ACSS2: variants seen among roughly 807,000 people sequenced by gnomAD.
The protein encoded by ACSS2 is acetyl-coenzyme A synthetase, cytoplasmic.
In ACSS2, 58 loss-of-function variants were observed where a neutral mutation model predicts 90.6. That is an observed-to-expected ratio of 0.64 (90% CI 0.52 to 0.80). ACSS2 has a LOEUF of 0.80. ACSS2 is among the 30% of genes least tolerant of loss of function. The probability of loss-of-function intolerance (pLI) is 0.00; values close to 1 mark genes in which losing one functional copy is unlikely to be tolerated. For missense variants in ACSS2, 759 were observed against 912.0 expected (o/e 0.83, Z 2.16); for synonymous variants, 300 against 330.9 (o/e 0.91, Z 1.01).
intron 2 of ACSS2, among the ~76,000 whole-genome samples, chr20:34,904,735 C>T (rs1048273876): frequency 6.6e-6 from 1 of 151,840 alleles, no homozygotes; most frequent in Non-Finnish European, 1.5e-5. Flanking sequence ...AGGAGGTTCC[C>T]TAGGGGAAGA....
intron 2 of ACSS2, among the ~76,000 whole-genome samples, chr20:34,897,083 T>C (rs1197546657): frequency 6.6e-6 from 1 of 152,066 alleles, no homozygotes; most frequent in African/African-American, 2.4e-5. Context: ...GAATAGTGCT[T>C]AATCTTTCTA....
At chr20:34,925,096 A>G (rs2081288507) in intron 14 of ACSS2, among the ~76,000 whole-genome samples, 1 of 152,342 alleles carries the variant, frequency 6.6e-6, no homozygotes, top group East Asian at 1.9e-4. Flanking sequence ...TACTATTGGC[A>G]TGGAACAAAT....
chr20:34,913,362 C>A (rs769544838), intron 3 of ACSS2, 31 bp from the exon 4 acceptor site: 14 of 1,606,232 alleles, frequency 8.7e-6, no homozygotes, highest in Non-Finnish European at 1.2e-5. Context: ...AAGAAGGGTT[C>A]ATGGTTCATA....
chr20:34,903,960 C>T (rs1401800855), intron 2 of ACSS2, among the ~76,000 whole-genome samples: 1 of 151,660 alleles, frequency 6.6e-6, no homozygotes, highest in Non-Finnish European at 1.5e-5. Context: ...TCAACCATGA[C>T]CCTCGAATAC....
Position 34,913,498 on chromosome 20 carries a change from T to TTTGC in ACSS2, c.570+2_570+3insTTGC. The TTTGC allele has an allele frequency of 6.2e-7, 1 of 1,611,132 alleles. No individual in the cohort carries two copies. Among genetic ancestry groups the TTTGC allele is most frequent in the South Asian group, 1.1e-5 (1 of 90,890 alleles). On this transcript the variant is annotated splice_region_variant and intron_variant, in intron 4 of 17. Transcript: ENST00000360596. The stretch of plus-strand genomic sequence containing the variant: ...ATTGGGGCTTTGCACTCCATTGTGG[T>TTTGC]AGGAGTTTGGGCTGGTGAAAAGGGG...
At chr20:34,913,222 T>A in intron 3 of ACSS2, 35 bp downstream of exon 3, 1 of 1,605,420 alleles carries the variant, frequency 6.2e-7, no homozygotes. Context: ...ACTGGGGGTC[T>A]GGCCTTGGGG....
Position 34,923,346 on chromosome 20 carries a change from G to C in ACSS2, c.1572G>C (p.Gly524=), listed in dbSNP as rs2147103883. ...GYLVFKQPWP[G]IMRTVYGNHE... is the part of the protein sequence containing the mutation. ...AGGTGTTCAAGCAGCCCTGGCCAGG[G>C]ATCATGCGCACAGTCTATGGGAACC... Residue 524 remains glycine, a synonymous_variant, in exon 14 of 18, where the codon GGG becomes GGC. Coordinates refer to ENST00000360596, the MANE Select transcript of ACSS2 (RefSeq NM_018677.4). 2 of 1,614,124 alleles carry C rather than the reference G, an allele frequency of 1.2e-6. No individual in the cohort carries two copies. Among genetic ancestry groups the C allele is most frequent in the East Asian group, 4.5e-5 (2 of 44,880 alleles).
At chr20:34,905,695 A>G (rs1167686664) in intron 2 of ACSS2, among the ~76,000 whole-genome samples, 5 of 152,232 alleles carry the variant, frequency 3.3e-5, no homozygotes, top group Non-Finnish European at 5.9e-5. Flanking sequence ...TCCTTTTGCC[A>G]GAGCATGCAT....
intron 2 of ACSS2, among the ~76,000 whole-genome samples, chr20:34,905,874 G>C (rs115808631): frequency 0.025 from 3,845 of 152,276 alleles, 156 homozygotes; most frequent in African/African-American, 0.085. Flanking sequence ...TCCGTGCCTA[G>C]ATCCTGCCAA....
At chr20:34,897,480 C>T (rs1350342420) in intron 2 of ACSS2, among the ~76,000 whole-genome samples, 1 of 152,116 alleles carries the variant, frequency 6.6e-6, no homozygotes, top group Non-Finnish European at 1.5e-5. Context: ...CCCTTTGTGT[C>T]TGGTTTCTTT....
intron 1 of ACSS2, among the ~76,000 whole-genome samples, chr20:34,879,311 T>C (rs1369786075): frequency 1.3e-5 from 2 of 152,144 alleles, no homozygotes; most frequent in East Asian, 3.8e-4. Flanking sequence ...ATCATTCTCC[T>C]TGATATCCTG....
chr20:34,879,992 C>G (rs2080032494), intron 1 of ACSS2, among the ~76,000 whole-genome samples: 1 of 152,108 alleles, frequency 6.6e-6, no homozygotes, highest in African/African-American at 2.4e-5. Flanking sequence ...TGAGATTAGT[C>G]CAGTCCCTGA....
intron 2 of ACSS2, among the ~76,000 whole-genome samples, chr20:34,910,679 C>T (rs147248070): frequency 1.3e-5 from 2 of 152,126 alleles, no homozygotes; most frequent in South Asian, 4.1e-4. Context: ...AAAACCCAAA[C>T]TGTGGTTTGC....
intron 2 of ACSS2, among the ~76,000 whole-genome samples, chr20:34,900,904 C>T (rs1196186969): frequency 6.6e-6 from 1 of 152,110 alleles, no homozygotes; most frequent in Non-Finnish European, 1.5e-5. Flanking sequence ...AAACAATACC[C>T]CCCTTTTGGA....
At chr20:34,910,999 A>AC (rs1568988192) in intron 2 of ACSS2, among the ~76,000 whole-genome samples, 1 of 142,534 alleles carries the variant, frequency 7.0e-6, no homozygotes, top group Non-Finnish European at 1.5e-5. Flanking sequence ...ATTGAAAACG[A>AC]TTTTTTTTTT....
chr20:34,882,349 C>T (rs1473018433), intron 1 of ACSS2, among the ~76,000 whole-genome samples: 8 of 152,094 alleles, frequency 5.3e-5, no homozygotes, highest in Admixed American at 1.3e-4. Context: ...GCTGGCCGGG[C>T]GCGGTGGCTC....
intron 2 of ACSS2, among the ~76,000 whole-genome samples, chr20:34,893,879 C>T (rs1218682047): frequency 5.9e-5 from 9 of 151,974 alleles, no homozygotes; most frequent in Non-Finnish European, 8.8e-5. Flanking sequence ...TATGGTTTTA[C>T]CATCTTGGAG....
At chr20:34,913,986 G>T in intron 5 of ACSS2, 110 bp from the exon 6 acceptor site, 1 of 1,414,736 alleles carries the variant, frequency 7.1e-7, no homozygotes, top group South Asian at 1.2e-5. Context: ...GCTCGAATCA[G>T]CTGGAAGAGC....
intron 2 of ACSS2, among the ~76,000 whole-genome samples, chr20:34,884,720 T>A (rs1310028459): frequency 6.6e-6 from 1 of 152,230 alleles, no homozygotes; most frequent in Non-Finnish European, 1.5e-5. Flanking sequence ...AGCCAACACT[T>A]GGGCTCATTT....
Sources: allele counts gnomAD v4.1 joint callset (sites outside exome capture counted in the v4.1 genomes callset), GRCh38; gene constraint gnomAD v4.1.1; transcripts MANE v1.5; gene names NCBI Gene and HGNC (gene_info 2026-07-23, HGNC 2026-07-21).